The following LRRC43 variants were observed in gnomAD, a reference collection of about 807,000 sequenced individuals.
The protein encoded by LRRC43 is leucine rich repeat containing 43.
A neutral mutation model predicts 64.3 loss-of-function variants in LRRC43; 62 were observed. The observed-to-expected ratio is 0.96, with a 90% CI of 0.79 to 1.19. The LOEUF is 1.19. Among genes scored for constraint, LRRC43 ranks in the 50% most tolerant of loss-of-function variants. The pLI is 0.00. For missense variants in LRRC43, 868 were observed against 845.0 expected (o/e 1.03, Z -0.34); for synonymous variants, 422 against 382.3 (o/e 1.10, Z -1.21).
chr12:122,197,450 C>A (rs145433355), intron 7 of LRRC43, among the ~76,000 whole-genome samples: 2 of 152,082 alleles, frequency 1.3e-5, no homozygotes, highest in Non-Finnish European at 2.9e-5. Context: ...CAGGTGTGAG[C>A]CACCGCGCCT....
At chr12:122,181,411 C>T (rs1374912599), upstream of LRRC43, among the ~76,000 whole-genome samples, 12 of 147,230 alleles carry the variant, frequency 8.2e-5, no homozygotes, top group East Asian at 1.7e-3. Flanking sequence ...GGCTTGGTGG[C>T]GGGCGCCTGT....
chr12:122,185,495 A>G (rs562763366), intron 2 of LRRC43, among the ~76,000 whole-genome samples: 1 of 152,182 alleles, frequency 6.6e-6, no homozygotes, highest in South Asian at 2.1e-4. Context: ...AAGCAAGCAA[A>G]CAAGAGTGAG....
At chr12:122,173,185 C>T (rs1953504799) in intron 1 of LRRC43, among the ~76,000 whole-genome samples, 1 of 152,090 alleles carries the variant, frequency 6.6e-6, no homozygotes, top group Admixed American at 6.6e-5. Context: ...GGACCACTCC[C>T]TCCCTTCCTC....
exon 1 of LRRC43, chr12:122,167,781 A>G (rs1953452998): frequency 6.6e-6 from 1 of 151,982 alleles, no homozygotes; most frequent in African/African-American, 2.4e-5. Context: ...AGCACGCAAG[A>G]TGTGAGTGAC....
At chr12:122,196,440 C>A (rs944384762) in intron 7 of LRRC43, among the ~76,000 whole-genome samples, 8 of 152,108 alleles carry the variant, frequency 5.3e-5, no homozygotes, top group African/African-American at 1.9e-4. Context: ...TGCCAGGTAT[C>A]GGGATTACAA....
At chr12:122,186,508 C>T (rs1002975071) in intron 3 of LRRC43, among the ~76,000 whole-genome samples, 42 of 152,196 alleles carry the variant, frequency 2.8e-4, no homozygotes, top group Non-Finnish European at 8.8e-5. Flanking sequence ...CATGAAGGAA[C>T]TGAAGACAGG....
intron 7 of LRRC43, among the ~76,000 whole-genome samples, chr12:122,197,050 T>A (rs1330475724): frequency 6.6e-6 from 1 of 151,992 alleles, no homozygotes; most frequent in Non-Finnish European, 1.5e-5. Flanking sequence ...TCACGACAGG[T>A]CATTTATCTC....
At chr12:122,180,514 G>A (rs960989268), upstream of LRRC43, among the ~76,000 whole-genome samples, 53 of 152,084 alleles carry the variant, frequency 3.5e-4, no homozygotes, top group African/African-American at 1.2e-3. Flanking sequence ...GCAAAACTCC[G>A]TCTCAAAAGA....
intron 3 of LRRC43, chr12:122,187,363 T>C: frequency 4.9e-6 from 1 of 203,020 alleles, no homozygotes; most frequent in Non-Finnish European, 9.8e-6. Context: ...TTGGATTTAT[T>C]CCTTATCCAT....
chr12:122,200,935 G>C lies in LRRC43; in HGVS notation c.1809+1G>C, dbSNP rs958194667. The C allele has an allele frequency of 1.9e-6, 3 of 1,591,240 alleles. No homozygotes were observed. Among genetic ancestry groups the C allele is most frequent in the East Asian group, 2.2e-5 (1 of 44,766 alleles). ...ATCTGACAGGCTGACGTTGGCCAGG[G>C]TACAGCCGGGCCCTAGCCACATCCT... On this transcript the variant is annotated splice_donor_variant, in intron 10 of 11. Coordinates refer to ENST00000339777, the MANE Select transcript of LRRC43 (RefSeq NM_001098519.2). LOFTEE classifies it high-confidence loss of function. The surrounding 1 kb of genome is among the most constrained non-coding windows in gnomAD (Gnocchi z 4.6).
At chr12:122,199,413 G>A (rs992212288) in intron 7 of LRRC43, among the ~76,000 whole-genome samples, 5 of 151,014 alleles carry the variant, frequency 3.3e-5, no homozygotes, top group African/African-American at 1.2e-4. Context: ...CTCCTGAGTA[G>A]CTGGGACCAC....
chr12:122,200,848 C>A lies in LRRC43; in HGVS notation c.1723C>A (p.Leu575Met). Reference sequence around the variant, plus strand: ...CCGGGGCCTGGTGATCCTGGAGCCCCTGCTCGCCGGGGAGCCCCTGGTGTC... The same window carrying A: ...CCGGGGCCTGGTGATCCTGGAGCCCATGCTCGCCGGGGAGCCCCTGGTGTC... ...LGRGLVILEP[L>M]LAGEPLVSTV... is the part of the protein sequence containing the mutation. Residue 575 changes from leucine to methionine, a missense_variant, in exon 10 of 12, where the codon CTG becomes ATG. Leu to Met is a conservative substitution (Grantham distance 15). Coordinates refer to ENST00000339777, the MANE Select transcript of LRRC43 (RefSeq NM_001098519.2). This position sits in a 1 kb window ranked among gnomAD's most constrained non-coding sequence, Gnocchi z 4.6. The A allele has an allele frequency of 6.2e-7, 1 of 1,613,196 alleles. No individual in the cohort carries two copies. The highest frequency in any genetic ancestry group is 8.5e-7 in the Non-Finnish European group (1 of 1,179,948).
chr12:122,190,433 C>G, intron 5 of LRRC43, 65 bp downstream of exon 5: 3 of 1,343,120 alleles, frequency 2.2e-6, no homozygotes, highest in Non-Finnish European at 3.2e-6. Flanking sequence ...TGGCTGTGCC[C>G]CGCCCTCCTG....
chr12:122,200,330 G>A lies in LRRC43; in HGVS notation c.1491G>A (p.Lys497=), dbSNP rs765260968. 6 of 1,610,358 alleles carry A rather than the reference G, an allele frequency of 3.7e-6. No individual in the cohort carries two copies. Among genetic ancestry groups the A allele is most frequent in the African/African-American group, 1.3e-5 (1 of 74,870 alleles). The change falls in exon 8 of 12, where the codon AAG becomes AAA. Residue 497 remains lysine, a splice_region_variant and synonymous_variant. Transcript: ENST00000339777. This position sits in a 1 kb window ranked among gnomAD's most constrained non-coding sequence, Gnocchi z 4.6. ...CCACCGTGACCATCGTGGAGGAGAA[G>A]GTGGGCAGGCGGAGGCAGTGCCCGG... The part of the protein sequence containing the change: ...AGTTVTIVEE[K]ILSWPVVLPA...
At chr12:122,178,404 T>A (rs1344606340), upstream of LRRC43, among the ~76,000 whole-genome samples, 1 of 152,080 alleles carries the variant, frequency 6.6e-6, no homozygotes, top group Non-Finnish European at 1.5e-5. Context: ...CCTCACACTT[T>A]ACTGTCTGTC....
intron 11 of LRRC43, among the ~76,000 whole-genome samples, chr12:122,201,595 G>A (rs1216214625): frequency 1.3e-5 from 2 of 152,232 alleles, no homozygotes; most frequent in African/African-American, 4.8e-5. Context: ...GCTGCCTGGG[G>A]CTCATCTGGT....
intron 3 of LRRC43, chr12:122,187,324 A>C (rs960550754): frequency 1.1e-4 from 18 of 167,032 alleles, no homozygotes; most frequent in Non-Finnish European, 2.6e-5. Flanking sequence ...GAGGCCGTGG[A>C]TAAGAACTAC....
intron 1 of LRRC43, chr12:122,172,222 C>G (rs992694565): frequency 1.8e-6 from 1 of 554,800 alleles, no homozygotes; most frequent in African/African-American, 1.9e-5. Context: ...ATAACAATAA[C>G]CTAATGTTTT....
In LRRC43 at chr12:122,203,453, G is replaced by A; in HGVS notation, c.*11G>A. On this transcript the variant is annotated 3_prime_UTR_variant, in exon 12 of 12. Coordinates refer to ENST00000339777, the MANE Select transcript of LRRC43 (RefSeq NM_001098519.2). ...ATGTTCGCCGTGTAGGGCGTGGGCA[G>A]TAAAGGCTGTTCCCAGCACTCCCGC... 1 of 1,604,936 alleles carries A rather than the reference G, an allele frequency of 6.2e-7. No individual in the cohort carries two copies. The highest frequency in any genetic ancestry group is 8.5e-7 in the Non-Finnish European group (1 of 1,177,300).
Sources: gnomAD v4.1 joint callset for allele counts (sites outside exome capture counted in the v4.1 genomes callset) on GRCh38, gnomAD v4.1.1 for gene constraint, Gnocchi (gnomAD v3.1) non-coding constraint, MANE v1.5 for transcripts, NCBI Gene and HGNC (gene_info 2026-07-23, HGNC 2026-07-21) for gene names.